Variants in SORBS3 observed in about 807,000 individuals in gnomAD.
The protein encoded by SORBS3 is vinexin.
A neutral mutation model predicts 98.0 loss-of-function variants in SORBS3; 69 were observed. The ratio of observed to expected loss-of-function variants is 0.70; its 90% confidence interval spans 0.58 to 0.86. The LOEUF (loss-of-function observed/expected upper bound fraction) is 0.86, where lower values mean the gene tolerates loss of function less well. SORBS3 is among the 40% of genes least tolerant of loss of function. The pLI, the probability that SORBS3 is intolerant of heterozygous loss-of-function variation, is 0.00. For synonymous variants in SORBS3, 394 were observed against 355.4 expected, an observed-to-expected ratio of 1.11 and a Z score of -1.22; for missense variants, 954 against 908.5, an observed-to-expected ratio of 1.05 and a Z score of -0.64.
chr8:22,566,712 A>C lies in SORBS3; in HGVS notation c.1142A>C (p.Lys381Thr). ...AGCCCAGCCAGGAGGGAAGAGAAGA[A>C]GGTAAGGAGGGGACCAGGTGTGGGG... The part of the protein sequence containing the change: ...GGSPARREEK[K>T]RKAARLKFDF... The change falls in exon 14 of 21, where the codon AAG (lysine) becomes ACG (threonine). Residue 381 changes from lysine to threonine, a missense_variant and splice_region_variant. Transcript: ENST00000240123. 6.2e-7 allele frequency: 1 copy of C among 1,612,710 alleles called. No individual in the cohort carries two copies. Among genetic ancestry groups the C allele is most frequent in the Non-Finnish European group, 8.5e-7 (1 of 1,179,564 alleles).
chr8:22,548,423 G>A (rs375735297), upstream of SORBS3, among the ~76,000 whole-genome samples: 2 of 152,308 alleles, frequency 1.3e-5, no homozygotes, highest in East Asian at 1.9e-4. Context: ...TCACCATTGT[G>A]TCACTGTGGC....
At chr8:22,552,949 G>A (rs1032404604) in intron 1 of SORBS3, among the ~76,000 whole-genome samples, 1 of 152,172 alleles carries the variant, frequency 6.6e-6, no homozygotes, top group African/African-American at 2.4e-5. Flanking sequence ...CCCCAGTCAG[G>A]CATGGGCACA....
At chr8:22,557,273 G>A (rs137996952) in intron 4 of SORBS3, among the ~76,000 whole-genome samples, 3 of 152,294 alleles carry the variant, frequency 2.0e-5, no homozygotes, top group South Asian at 2.1e-4. Context: ...CTGACCGGCC[G>A]AATGAGTGAG....
chr8:22,562,944 G>A (rs1018794418), intron 7 of SORBS3, among the ~76,000 whole-genome samples: 9 of 152,066 alleles, frequency 5.9e-5, no homozygotes, highest in South Asian at 2.1e-4. Flanking sequence ...GTGAAACCCC[G>A]TCTCTACTAA....
chr8:22,557,035 G>T (rs929265981), intron 4 of SORBS3, 127 bp downstream of exon 4: 71 of 1,072,616 alleles, frequency 6.6e-5, no homozygotes, highest in Non-Finnish European at 9.0e-5. Flanking sequence ...TTAAGCAGGG[G>T]TTCAACCGTG....
chr8:22,564,638 C>T, intron 10 of SORBS3, 117 bp downstream of exon 10: 4 of 1,437,924 alleles, frequency 2.8e-6, no homozygotes, highest in Non-Finnish European at 3.8e-6. Context: ...TCCAGTCCCA[C>T]ATGGTTTATT....
chr8:22,565,217 C>T (rs1840380280), intron 10 of SORBS3, 51 bp from the exon 11 acceptor site: 3 of 1,498,640 alleles, frequency 2.0e-6, no homozygotes, highest in South Asian at 2.4e-5. Flanking sequence ...CCGCTGCCTC[C>T]CACCCCCACG....
intron 12 of SORBS3, 120 bp downstream of exon 12, chr8:22,565,992 C>A: frequency 1.4e-6 from 1 of 700,960 alleles, no homozygotes; most frequent in Non-Finnish European, 2.0e-6. Context: ...AGGAAGGAAC[C>A]GCAGAGCCGT....
chr8:22,574,002 C>T (rs981481326), intron 20 of SORBS3, among the ~76,000 whole-genome samples: 3 of 152,112 alleles, frequency 2.0e-5, no homozygotes, highest in Non-Finnish European at 2.9e-5. Context: ...CTCTGAAGGT[C>T]GGCAACCCCG....
chr8:22,552,197 C>A (rs1205749877), intron 1 of SORBS3, among the ~76,000 whole-genome samples, 175 bp downstream of exon 1: 1 of 152,244 alleles, frequency 6.6e-6, no homozygotes, highest in East Asian at 1.9e-4. Flanking sequence ...CTGTCCTTGT[C>A]CACGTGGCCT....
chr8:22,572,672 C>G (rs1840621230), intron 20 of SORBS3, among the ~76,000 whole-genome samples: 1 of 152,232 alleles, frequency 6.6e-6, no homozygotes, highest in South Asian at 2.1e-4. Flanking sequence ...GAAACTGGCA[C>G]CAGTCCAGGG....
chr8:22,560,983 G>T (rs1180490752), intron 5 of SORBS3: 2 of 248,646 alleles, frequency 8.0e-6, no homozygotes, highest in Non-Finnish European at 1.5e-5. Context: ...AAATGGGGAA[G>T]GAAAGCGTTT....
chr8:22,574,875 AC>A lies in SORBS3; in HGVS notation c.*153del, dbSNP rs1248828975. The A allele has an allele frequency of 2.4e-5, 18 of 747,664 alleles. No individual in the cohort carries two copies. Among genetic ancestry groups the A allele is most frequent in the African/African-American group, 1.7e-4 (9 of 54,492 alleles). The allele number at this position is 747,664 out of a possible 1,614,324, so 46.3% of individuals were successfully genotyped here. On this transcript the variant is annotated 3_prime_UTR_variant, in exon 21 of 21. Transcript: ENST00000240123. ...ACGACCCCCGCAGCCTTTCCCTCGG[AC>A]CCCCCTCGAAGCCCCCTGGACTGAT...
chr8:22,572,354 A>G lies in SORBS3; in HGVS notation c.1862A>G (p.Tyr621Cys). The G allele has an allele frequency of 6.2e-7, 1 of 1,613,872 alleles. No homozygotes were observed. Among genetic ancestry groups the G allele is most frequent in the Non-Finnish European group, 8.5e-7 (1 of 1,179,814 alleles). ...QIHWTPYRAM[Y>C]QYRPQNEDEL... ...GCTTCTCGCAGGTACCGGGCGATGT[A>G]CCAGTACAGGCCCCAGAACGAAGAC... The change falls in exon 20 of 21, where the codon TAC becomes TGC. Residue 621 changes from tyrosine (Y) to cysteine (C), a missense_variant. Tyr to Cys is a radical substitution (Grantham distance 194). Coordinates refer to ENST00000240123, the MANE Select transcript of SORBS3 (RefSeq NM_005775.5).
At chr8:22,571,250 C>A in intron 18 of SORBS3, 29 bp downstream of exon 18, 2 of 1,393,926 alleles carry the variant, frequency 1.4e-6, no homozygotes, top group South Asian at 1.3e-5. Flanking sequence ...ACCAGAGAGT[C>A]GACCTCCTCC....
chr8:22,572,248 T>G, intron 19 of SORBS3, 92 bp from the exon 20 acceptor site: 1 of 1,024,210 alleles, frequency 9.8e-7, no homozygotes, highest in Non-Finnish European at 1.5e-6. Flanking sequence ...AGTGAGAGCA[T>G]GAAGGGACCC....
In SORBS3 at chr8:22,561,915, G is replaced by A. The variant is rs1840303949; in HGVS notation, c.568G>A (p.Ala190Thr). ...QQRPAHRPGP[A>T]TSSSGRSWDH... ...AAGACCTGCCCACAGGCCCGGCCCG[G>A]CAACATCTTCCAGTGGGTGAGCACA... Residue 190 changes from alanine (A) to threonine (T), a missense_variant, in exon 7 of 21, where the codon GCA becomes ACA. Ala to Thr is a moderately conservative substitution (Grantham distance 58). Transcript: ENST00000240123. 1.2e-6 allele frequency: 2 copies of A among 1,614,138 alleles called. No individual in the cohort carries two copies. The highest frequency in any genetic ancestry group is 1.7e-6 in the Non-Finnish European group (2 of 1,180,004).
At position 22,554,035 on chromosome 8, in the gene SORBS3, G is replaced by T. The variant is rs1840136227; in HGVS notation, c.-55-417G>T. 6.6e-6 allele frequency among the ~76,000 whole-genome samples: 1 copy of T among 152,196 alleles called. No individual in the cohort carries two copies. The highest frequency in any genetic ancestry group is 2.1e-4 in the South Asian group (1 of 4,838). ...GCCCACACGGCCTGGGGGAGGCAGA[G>T]GGAACTGAAACAAAGTCCTGTGTTC... On this transcript the variant is annotated intron_variant, in intron 1 of 20. Coordinates refer to ENST00000240123, the MANE Select transcript of SORBS3 (RefSeq NM_005775.5). This position sits in a 1 kb window ranked among gnomAD's most constrained non-coding sequence, Gnocchi z 6.5.
chr8:22,546,763 T>A (rs766974900), intron 1 of SORBS3, among the ~76,000 whole-genome samples: 2 of 152,238 alleles, frequency 1.3e-5, no homozygotes, highest in South Asian at 2.1e-4. Context: ...GATTTGAATG[T>A]GGAGTTGGCC....
Sources: allele counts gnomAD v4.1 joint callset (sites outside exome capture counted in the v4.1 genomes callset), GRCh38; gene constraint gnomAD v4.1.1; non-coding constraint Gnocchi (gnomAD v3.1); transcripts MANE v1.5; gene names NCBI Gene and HGNC (gene_info 2026-07-23, HGNC 2026-07-21).